Variants in PKDREJ observed in about 807,000 individuals in gnomAD.
PKDREJ encodes polycystin family receptor for egg jelly.
For missense variants in PKDREJ, 2,507 were observed against 2,807.2 expected, an observed-to-expected ratio of 0.89 and a Z score of 2.42; for synonymous variants, 1,031 against 1,095.5, an observed-to-expected ratio of 0.94 and a Z score of 1.16.
At position 46,261,329 on chromosome 22, in the gene PKDREJ, G is replaced by A. The variant is rs983004434; in HGVS notation, c.1994C>T (p.Ala665Val). Residue 665 changes from alanine (A) to valine (V), a missense_variant, in exon 1 of 1, where the codon GCC (alanine) becomes GTC (valine). By Grantham distance (64) the Ala-to-Val change is moderately conservative. Transcript: ENST00000253255. The surrounding 1 kb of genome is among the most constrained non-coding windows in gnomAD (Gnocchi z 7.1). Reference protein sequence around the residue: ...LGAFSQVTLHATAQAPTDKNS... With the variant: ...LGAFSQVTLHVTAQAPTDKNS... ...TTTGTCAGTGGGAGCCTGTGCGGTG[G>A]CATGCAAAGTCACCTGAGAAAAAGC... is the stretch of plus-strand genomic sequence containing the variant. The A allele has an allele frequency of 2.5e-6, 4 of 1,613,682 alleles. No homozygotes were observed. The highest frequency in any genetic ancestry group is 3.4e-6 in the Non-Finnish European group (4 of 1,180,008).
chr22:46,257,907 A>G lies in PKDREJ; in HGVS notation c.5416T>C (p.Cys1806Arg). ...TGCACAAACTTTTCGGCAGGTAGAC[A>G]CATTTTTTCACTAGATTTTGCTCTC... ...QVRAKSSEKM[C>R]LPAEKFVQNS... The change falls in exon 1 of 1, where the codon TGT (cysteine) becomes CGT (arginine). Residue 1806 changes from cysteine to arginine, a missense_variant. By Grantham distance (180) the Cys-to-Arg change is radical (BLOSUM62 -3). Transcript: ENST00000253255. This position sits in a 1 kb window ranked among gnomAD's most constrained non-coding sequence, Gnocchi z 4.7. The G allele has an allele frequency of 1.2e-6, 2 of 1,614,152 alleles. No individual in the cohort carries two copies. Among genetic ancestry groups the G allele is most frequent in the Non-Finnish European group, 8.5e-7 (1 of 1,180,028 alleles).
Position 46,262,932 on chromosome 22 carries a change from G to C in PKDREJ, c.391C>G (p.Arg131Gly). Residue 131 changes from arginine (R) to glycine (G), a missense_variant, in exon 1 of 1, where the codon CGG becomes GGG. By Grantham distance (125) the Arg-to-Gly change is moderately radical (BLOSUM62 -2). Transcript: ENST00000253255. The surrounding 1 kb of genome is among the most constrained non-coding windows in gnomAD (Gnocchi z 8.1). ...AGGCGCCCGGGCGAGCGCGGCAGCC[G>C]CACGGACCACGTCAGGGAGAGGCGG... ...GGRLSLTWSV[R>G]LPRSPGRLAW... 2 of 1,072,656 alleles carry C rather than the reference G, an allele frequency of 1.9e-6. No individual in the cohort carries two copies. The highest frequency in any genetic ancestry group is 2.3e-6 in the Non-Finnish European group (2 of 888,448). 66.4% of individuals were successfully genotyped at this position (1,072,656 alleles called of 1,614,324 possible). A position where few individuals can be genotyped will look rare whatever the true frequency, so the allele number is the denominator to read the frequency against.
chr22:46,261,109 G>A lies in PKDREJ; in HGVS notation c.2214C>T (p.Ile738=), dbSNP rs368849728. 2.1e-5 allele frequency: 34 copies of A among 1,614,024 alleles called. No individual in the cohort carries two copies. Among genetic ancestry groups the A allele is most frequent in the South Asian group, 8.8e-5 (8 of 91,080 alleles). The part of the protein sequence containing the change: ...DDRVNLRKHL[I]DQSFLLPVST... ...TTACAGGAAGAAGGAAAGACTGATCGATGAGGTGTTTTCGGAGATTGACTC... is the reference window on the plus strand; with the variant it reads ...TTACAGGAAGAAGGAAAGACTGATCAATGAGGTGTTTTCGGAGATTGACTC... The change falls in exon 1 of 1, where the codon ATC becomes ATT. Residue 738 remains isoleucine, a synonymous_variant. Transcript: ENST00000253255. The surrounding 1 kb of genome is among the most constrained non-coding windows in gnomAD (Gnocchi z 7.1).
chr22:46,256,884 G>A lies in PKDREJ; in HGVS notation c.6439C>T (p.Leu2147=), dbSNP rs1311901486. The A allele has an allele frequency of 3.7e-6, 6 of 1,613,932 alleles. No homozygotes were observed. In the Admixed American group the frequency reaches 1.0e-4, roughly 27 times the overall value. ...AAAGATGAGAGGAACAGGACCCCCA[G>A]AATCCTGTTATTGGAAAATTCAGTG... ...QNTEFSNNRI[L]GVLFLSSFML... The change falls in exon 1 of 1, where the codon CTG becomes TTG. Residue 2147 remains leucine, a synonymous_variant. Transcript: ENST00000253255. The surrounding 1 kb of genome is among the most constrained non-coding windows in gnomAD (Gnocchi z 5.3).
Position 46,262,411 on chromosome 22 carries a change from C to T in PKDREJ, c.912G>A (p.Val304=), listed in dbSNP as rs1437933021. The T allele has an allele frequency of 6.2e-7, 1 of 1,613,496 alleles. No homozygotes were observed. Among genetic ancestry groups the T allele is most frequent in the Non-Finnish European group, 8.5e-7 (1 of 1,179,616 alleles). Residue 304 remains valine (V), a synonymous_variant, in exon 1 of 1, where the codon GTG becomes GTA. Coordinates refer to ENST00000253255, the MANE Select transcript of PKDREJ (RefSeq NM_006071.2). The surrounding 1 kb of genome is among the most constrained non-coding windows in gnomAD (Gnocchi z 8.1). ...TGGTGATGGACACCGTGAAATTAAA[C>T]ACATACACTCCCCACTGTAACGAAT... The part of the protein sequence containing the change: ...PNNSLQWGVY[V]FNFTVSITTG...
chr22:46,256,867 G>A lies in PKDREJ; in HGVS notation c.6456C>T (p.Leu2152=), dbSNP rs749625387. The A allele has an allele frequency of 1.9e-6, 3 of 1,614,068 alleles. No homozygotes were observed. ...AGATCATCACCAGCATGAAAGATGA[G>A]AGGAACAGGACCCCCAGAATCCTGT... ...SNNRILGVLF[L]SSFMLVMICV... The change falls in exon 1 of 1, where the codon CTC becomes CTT. Residue 2152 remains leucine, a synonymous_variant. Transcript: ENST00000253255. This position sits in a 1 kb window ranked among gnomAD's most constrained non-coding sequence, Gnocchi z 5.3.
At position 46,257,054 on chromosome 22, in the gene PKDREJ, C is replaced by T. The variant is rs563130958; in HGVS notation, c.6269G>A (p.Cys2090Tyr). 1.2e-5 allele frequency: 19 copies of T among 1,614,000 alleles called. No individual in the cohort carries two copies. In the African/African-American group the frequency reaches 2.3e-4, roughly 19 times the overall value. Reference protein sequence around the residue: ...RAIQAALPGICHMAFVVSVYF... With the variant: ...RAIQAALPGIYHMAFVVSVYF... ...CACGGACACAACAAATGCCATGTGG[C>T]AGATGCCAGGGAGGGCAGCCTGGAT... Residue 2090 changes from cysteine (C) to tyrosine (Y), a missense_variant, in exon 1 of 1, where the codon TGC becomes TAC. Transcript: ENST00000253255. The surrounding 1 kb of genome is among the most constrained non-coding windows in gnomAD (Gnocchi z 4.7).
At position 46,257,438 on chromosome 22, in the gene PKDREJ, G is replaced by T; in HGVS notation, c.5885C>A (p.Ser1962Ter). The change falls in exon 1 of 1, where the codon TCA becomes TAA. Residue 1962 changes from serine (S) to a stop codon, truncating the protein, a stop_gained. Transcript: ENST00000253255. LOFTEE classifies it low-confidence loss of function (END_TRUNC). The surrounding 1 kb of genome is among the most constrained non-coding windows in gnomAD (Gnocchi z 4.7). ...GGCCACATACAAGTAGATTTCTGCT[G>T]AAGCTTTTCTGTCAAAATCAGCAAG... is the stretch of plus-strand genomic sequence containing the variant. Reference protein sequence around the residue: ...FSLADFDRKASAEIYLYVAIL... With the variant: ...FSLADFDRKA 6.2e-7 allele frequency: 1 copy of T among 1,614,008 alleles called. No individual in the cohort carries two copies. The highest frequency in any genetic ancestry group is 1.1e-5 in the South Asian group (1 of 91,040).
chr22:46,256,763 G>A lies in PKDREJ; in HGVS notation c.6560C>T (p.Ser2187Leu), dbSNP rs749627977. The A allele has an allele frequency of 8.1e-6, 13 of 1,613,894 alleles. No individual in the cohort carries two copies. The South Asian group carries it at 8.8e-5, about 11-fold the overall frequency. Residue 2187 changes from serine to leucine, a missense_variant, in exon 1 of 1, where the codon TCG (serine) becomes TTG (leucine). Physicochemically the swap from Ser to Leu is moderately radical, Grantham distance 145. Coordinates refer to ENST00000253255, the MANE Select transcript of PKDREJ (RefSeq NM_006071.2). This position sits in a 1 kb window ranked among gnomAD's most constrained non-coding sequence, Gnocchi z 5.3. Reference protein sequence around the residue: ...EMKQPVYEEPSDEVEAMTYLC... With the variant: ...EMKQPVYEEPLDEVEAMTYLC... Reference sequence around the variant, plus strand: ...ATAGGTCATTGCTTCCACTTCATCCGATGGCTCCTCATACACGGGCTGCTT... The same window carrying A: ...ATAGGTCATTGCTTCCACTTCATCCAATGGCTCCTCATACACGGGCTGCTT...
rs1256645752 is a variant in PKDREJ at position 46,261,108 on chromosome 22, C to A, written c.2215G>T (p.Asp739Tyr). 6.2e-7 allele frequency: 1 copy of A among 1,614,022 alleles called. No homozygotes were observed. The highest frequency in any genetic ancestry group is 8.5e-7 in the Non-Finnish European group (1 of 1,180,008). ...DRVNLRKHLI[D>Y]QSFLLPVSTL... ...CTTACAGGAAGAAGGAAAGACTGATCGATGAGGTGTTTTCGGAGATTGACT... is the reference window on the plus strand; with the variant it reads ...CTTACAGGAAGAAGGAAAGACTGATAGATGAGGTGTTTTCGGAGATTGACT... The change falls in exon 1 of 1, where the codon GAT becomes TAT. Residue 739 changes from aspartate to tyrosine, a missense_variant. Asp to Tyr is a radical substitution (Grantham distance 160, BLOSUM62 -3). Coordinates refer to ENST00000253255, the MANE Select transcript of PKDREJ (RefSeq NM_006071.2). This position sits in a 1 kb window ranked among gnomAD's most constrained non-coding sequence, Gnocchi z 7.1.
At position 46,260,710 on chromosome 22, in the gene PKDREJ, G is replaced by C; in HGVS notation, c.2613C>G (p.Ile871Met). 2 of 1,613,942 alleles carry C rather than the reference G, an allele frequency of 1.2e-6. No individual in the cohort carries two copies. Among genetic ancestry groups the C allele is most frequent in the Non-Finnish European group, 1.7e-6 (2 of 1,179,946 alleles). The change falls in exon 1 of 1, where the codon ATC becomes ATG. Residue 871 changes from isoleucine to methionine, a missense_variant. Transcript: ENST00000253255. The surrounding 1 kb of genome is among the most constrained non-coding windows in gnomAD (Gnocchi z 4.5). ...MYVKKVEKWGINQLFRNEKHC... is the reference protein window; with the variant it reads ...MYVKKVEKWGMNQLFRNEKHC... Reference sequence around the variant, plus strand: ...GTTTCTCATTTCTGAAGAGCTGGTTGATACCCCACTTTTCAACTTTCTTGA... The same window carrying C: ...GTTTCTCATTTCTGAAGAGCTGGTTCATACCCCACTTTTCAACTTTCTTGA...
chr22:46,258,752 C>CT lies in PKDREJ; in HGVS notation c.4570dup (p.Arg1524LysfsTer19). 1.2e-6 allele frequency: 2 copies of CT among 1,614,094 alleles called. No homozygotes were observed. The highest frequency in any genetic ancestry group is 1.7e-6 in the Non-Finnish European group (2 of 1,180,014). On this transcript the variant is annotated frameshift_variant, in exon 1 of 1. Transcript: ENST00000253255. LOFTEE classifies it low-confidence loss of function (END_TRUNC). This position sits in a 1 kb window ranked among gnomAD's most constrained non-coding sequence, Gnocchi z 6.1. The stretch of plus-strand genomic sequence containing the variant: ...CTCCGGGGTCTTGATTTGTGCTTTC[C>CT]TATGCCTGTGCTTGGGTTTGGAGGT...
Position 46,262,441 on chromosome 22 carries a change from G to A in PKDREJ, c.882C>T (p.Pro294=), listed in dbSNP as rs747691184. The A allele has an allele frequency of 5.6e-6, 9 of 1,607,900 alleles. No homozygotes were observed. Among genetic ancestry groups the A allele is most frequent in the Non-Finnish European group, 7.7e-6 (9 of 1,176,192 alleles). The change falls in exon 1 of 1, where the codon CCC becomes CCT. Residue 294 remains proline, a synonymous_variant. Coordinates refer to ENST00000253255, the MANE Select transcript of PKDREJ (RefSeq NM_006071.2). The surrounding 1 kb of genome is among the most constrained non-coding windows in gnomAD (Gnocchi z 8.1). ...ACACTCCCCACTGTAACGAATTATT[G>A]GGGATGTGAATGAACAAGGGGCTGT... ...IRNSPLFIHI[P]NNSLQWGVYV... is the part of the protein sequence containing the mutation.
rs746894736 is a variant in PKDREJ at position 46,262,345 on chromosome 22, G to A, written c.978C>T (p.Ala326=). ...PKMPEVKDSD[A]VYVWIVRSSL... ...AACTCCTGACGATCCAGACATAGAC[G>A]GCGTCCGAGTCTTTCACCTCGGGCA... Residue 326 remains alanine (A), a synonymous_variant, in exon 1 of 1, where the codon GCC becomes GCT. Transcript: ENST00000253255. This position sits in a 1 kb window ranked among gnomAD's most constrained non-coding sequence, Gnocchi z 8.1. 3 of 1,614,162 alleles carry A rather than the reference G, an allele frequency of 1.9e-6. No individual in the cohort carries two copies. The highest frequency in any genetic ancestry group is 4.5e-5 in the East Asian group (2 of 44,886).
chr22:46,260,516 A>C lies in PKDREJ; in HGVS notation c.2807T>G (p.Val936Gly). 1.9e-6 allele frequency: 3 copies of C among 1,613,942 alleles called. No individual in the cohort carries two copies. The South Asian group carries it at 3.3e-5, about 18-fold the overall frequency. ...CTCTAGCACACTACCGTTATCTGCA[A>C]CTCCTGTCATTCTGAATCCAGACAC... ...VEVSGFRMTG[V>G]ADNGSVLEIT... The change falls in exon 1 of 1, where the codon GTT becomes GGT. Residue 936 changes from valine to glycine, a missense_variant. Coordinates refer to ENST00000253255, the MANE Select transcript of PKDREJ (RefSeq NM_006071.2). The surrounding 1 kb of genome is among the most constrained non-coding windows in gnomAD (Gnocchi z 4.5).
At position 46,256,493 on chromosome 22, in the gene PKDREJ, A is replaced by G; in HGVS notation, c.*68T>C. 6.5e-7 allele frequency: 1 copy of G among 1,543,314 alleles called. No homozygotes were observed. The highest frequency in any genetic ancestry group is 8.7e-7 in the Non-Finnish European group (1 of 1,152,754). ...ATGACTAGGCCACTGACACTCCCTAATCCCCTTAATCCCACAGACTCAGCA... is the reference window on the plus strand; with the variant it reads ...ATGACTAGGCCACTGACACTCCCTAGTCCCCTTAATCCCACAGACTCAGCA... On this transcript the variant is annotated 3_prime_UTR_variant, in exon 1 of 1. Transcript: ENST00000253255. The surrounding 1 kb of genome is among the most constrained non-coding windows in gnomAD (Gnocchi z 5.3).
Position 46,261,048 on chromosome 22 carries a change from T to C in PKDREJ, c.2275A>G (p.Ile759Val). 6.2e-7 allele frequency: 1 copy of C among 1,614,166 alleles called. No individual in the cohort carries two copies. Among genetic ancestry groups the C allele is most frequent in the Non-Finnish European group, 8.5e-7 (1 of 1,180,030 alleles). ...GAGGGTTTCTGGGTTAATTTGGTAA[T>C]AGTCATGACTACCTGGCCAATTTCT... is the stretch of plus-strand genomic sequence containing the variant. ...LVEIGQVVMT[I>V]TKLTQKPSEF... Residue 759 changes from isoleucine to valine, a missense_variant, in exon 1 of 1, where the codon ATT (isoleucine) becomes GTT (valine). Ile to Val is a conservative substitution (Grantham distance 29). Coordinates refer to ENST00000253255, the MANE Select transcript of PKDREJ (RefSeq NM_006071.2). The surrounding 1 kb of genome is among the most constrained non-coding windows in gnomAD (Gnocchi z 7.1).
rs7291444 is a variant in PKDREJ at position 46,260,349 on chromosome 22, T to A, written c.2974A>T (p.Thr992Ser). Reference protein sequence around the residue: ...TGGFSFQVDSTVLREVLVHIV... With the variant: ...TGGFSFQVDSSVLREVLVHIV... The stretch of plus-strand genomic sequence containing the variant: ...TGGACCAGAACCTCCCTAAGCACTG[T>A]GCTGTCCACTTGAAAGCTAAACCCA... The change falls in exon 1 of 1, where the codon ACA becomes TCA. Residue 992 changes from threonine to serine, a missense_variant. Transcript: ENST00000253255. This position sits in a 1 kb window ranked among gnomAD's most constrained non-coding sequence, Gnocchi z 4.5. 5.4e-3 allele frequency: 8,718 copies of A among 1,614,030 alleles called. 371 individuals carry two copies. The African/African-American group carries it at 0.094, about 17-fold the overall frequency.
In PKDREJ at chr22:46,258,716, G is replaced by A; in HGVS notation, c.4607C>T (p.Pro1536Leu). The A allele has an allele frequency of 1.2e-6, 2 of 1,614,156 alleles. No homozygotes were observed. The highest frequency in any genetic ancestry group is 2.2e-5 in the South Asian group (2 of 91,086). The change falls in exon 1 of 1, where the codon CCA becomes CTA. Residue 1536 changes from proline (P) to leucine (L), a missense_variant. Physicochemically the swap from Pro to Leu is moderately conservative, Grantham distance 98 (BLOSUM62 -3). Transcript: ENST00000253255. This position sits in a 1 kb window ranked among gnomAD's most constrained non-coding sequence, Gnocchi z 6.1. ...AQIKTPETLG[P>L]NTNSNNNIED... ...TATGTTGTTATTGGAATTTGTATTT[G>A]GCCCGAGGGTCTCCGGGGTCTTGAT...
Sources: allele counts gnomAD v4.1 joint callset, GRCh38; gene constraint gnomAD v4.1.1; non-coding constraint Gnocchi (gnomAD v3.1); transcripts MANE v1.5; gene names NCBI Gene and HGNC (gene_info 2026-07-23, HGNC 2026-07-21).